IL4I1: variants seen among roughly 807,000 people sequenced by gnomAD.
The protein encoded by IL4I1 is L-amino-acid oxidase.
Under a neutral mutation model 29.7 loss-of-function variants are expected in IL4I1, and 24 were observed. The observed-to-expected ratio is 0.81, with a 90% confidence interval of 0.59 to 1.14. IL4I1 has a LOEUF of 1.14. Among genes scored for constraint, IL4I1 ranks in the 50% most tolerant of loss-of-function variants. The pLI is 0.00. For synonymous variants in IL4I1, 371 were observed against 352.5 expected (o/e 1.05, Z -0.59); for missense variants, 686 against 785.6 (o/e 0.87, Z 1.52).
chr19:49,890,060 G>C lies in IL4I1; in HGVS notation c.1314C>G (p.Thr438=). 1 of 1,549,786 alleles carries C rather than the reference G, an allele frequency of 6.5e-7. No individual in the cohort carries two copies. The change falls in exon 8 of 8, where the codon ACC becomes ACG. Residue 438 remains threonine (T), a synonymous_variant. Coordinates refer to ENST00000391826, the MANE Select transcript of IL4I1 (RefSeq NM_152899.2). ...GPVVRQLWDG[T]GVVKRWAEDQ... ...CCTCCGCCCAACGCTTGACGACGCC[G>C]GTGCCGTCCCAGAGCTGGCGCACGA...
At chr19:49,907,902 G>GC in intron 2 of IL4I1, 1 of 428,116 alleles carries the variant, frequency 2.3e-6, no homozygotes, top group Non-Finnish European at 4.3e-6. Context: ...GAGAGTGGCT[G>GC]CCCCCACGAC....
In IL4I1 at chr19:49,895,142, G is replaced by T. The variant is rs199867945; in HGVS notation, c.291C>A (p.Arg97=). 1.9e-6 allele frequency: 3 copies of T among 1,613,880 alleles called. No individual in the cohort carries two copies. The highest frequency in any genetic ancestry group is 2.5e-6 in the Non-Finnish European group (3 of 1,179,854). ...TGTTCTGGTCCCGGTAGGTGAAGATGCGGCCCCCGATCCTGTTATCTGCCT... is the reference window on the plus strand; with the variant it reads ...TGTTCTGGTCCCGGTAGGTGAAGATTCGGCCCCCGATCCTGTTATCTGCCT... The part of the protein sequence containing the change: ...ILEADNRIGG[R]IFTYRDQNTG... The change falls in exon 4 of 8, where the codon CGC becomes CGA. Residue 97 remains arginine, a synonymous_variant. Transcript: ENST00000391826.
chr19:49,918,066 GCTTTC>G (rs1248551570), intron 2 of IL4I1, among the ~76,000 whole-genome samples: 1 of 150,780 alleles, frequency 6.6e-6, no homozygotes, highest in African/African-American at 2.4e-5. Context: ...GAGAGGGTCT[GCTTTC>G]CTTTTTCTTT....
rs376516356 is a variant in IL4I1, at chr19:49,895,192, C to T, written c.253-12G>A. On this transcript the variant is annotated splice_polypyrimidine_tract_variant and intron_variant, in intron 3 of 7. Coordinates refer to ENST00000391826, the MANE Select transcript of IL4I1 (RefSeq NM_152899.2). The stretch of plus-strand genomic sequence containing the variant: ...TCCAGGATGGTGACCTGAGGGAGTC[C>T]GTGGGGCGAGGAGGGCCCTTCAGCT... 13 of 1,609,942 alleles carry T rather than the reference C, an allele frequency of 8.1e-6. No individual in the cohort carries two copies. Among genetic ancestry groups the T allele is most frequent in the East Asian group, 2.2e-5 (1 of 44,848 alleles).
At chr19:49,896,354 C>T (rs1568687769) in intron 1 of IL4I1, among the ~76,000 whole-genome samples, 172 bp from the exon 2 acceptor site, 3 of 152,098 alleles carry the variant, frequency 2.0e-5, no homozygotes, top group African/African-American at 7.2e-5. Context: ...CTGGACCGTC[C>T]CTGCCTCCCT....
At position 49,890,068 on chromosome 19, in the gene IL4I1, C is replaced by G; in HGVS notation, c.1306G>C (p.Asp436His). 1 of 1,549,276 alleles carries G rather than the reference C, an allele frequency of 6.5e-7. No homozygotes were observed. Among genetic ancestry groups the G allele is most frequent in the Non-Finnish European group, 8.7e-7 (1 of 1,147,074 alleles). ...CAACGCTTGACGACGCCGGTGCCGT[C>G]CCAGAGCTGGCGCACGACAGGCCCG... ...LHGPVVRQLW[D>H]GTGVVKRWAE... The change falls in exon 8 of 8, where the codon GAC (aspartate) becomes CAC (histidine). Residue 436 changes from aspartate (D) to histidine (H), a missense_variant. Transcript: ENST00000391826.
upstream of IL4I1, chr19:49,901,699 A>T: frequency 1.3e-6 from 2 of 1,535,242 alleles, no homozygotes; most frequent in Non-Finnish European, 1.8e-6. Flanking sequence ...AGCCCAGGAC[A>T]GAAGTCATCG....
chr19:49,909,902 A>AC (rs1209063973), intron 2 of IL4I1: 1 of 1,373,434 alleles, frequency 7.3e-7, no homozygotes, highest in African/African-American at 1.4e-5. Flanking sequence ...AGAGGAAGTG[A>AC]CATTGTCAGA....
At chr19:49,915,929 G>A (rs1253000138) in intron 2 of IL4I1, among the ~76,000 whole-genome samples, 3 of 152,232 alleles carry the variant, frequency 2.0e-5, no homozygotes, top group Non-Finnish European at 4.4e-5. Flanking sequence ...TGGGGATGGT[G>A]TCGGCTCCAC....
intron 2 of IL4I1, among the ~76,000 whole-genome samples, chr19:49,924,155 G>A (rs1299267886): frequency 6.6e-6 from 1 of 152,184 alleles, no homozygotes; most frequent in East Asian, 1.9e-4. Context: ...ATGGGCCTCG[G>A]GGCCCTGGAA....
intron 2 of IL4I1, chr19:49,908,819 T>C: frequency 6.2e-7 from 1 of 1,613,466 alleles, no homozygotes; most frequent in Non-Finnish European, 8.5e-7. Flanking sequence ...CAGCTGCGCG[T>C]AGGTCATGGC....
chr19:49,929,310 C>A (rs1451644100), intron 1 of IL4I1: 1 of 154,606 alleles, frequency 6.5e-6, no homozygotes, highest in Non-Finnish European at 1.4e-5. Flanking sequence ...TGCCCCCGGC[C>A]CGTCTCCGCG....
chr19:49,890,587 C>A lies in IL4I1; in HGVS notation c.787G>T (p.Val263Leu). The A allele has an allele frequency of 6.4e-7, 1 of 1,567,286 alleles. No individual in the cohort carries two copies. Among genetic ancestry groups the A allele is most frequent in the Middle Eastern group, 1.8e-4 (1 of 5,614 alleles). Reference protein sequence around the residue: ...LSDRLQYSRIVGGWDLLPRAL... With the variant: ...LSDRLQYSRILGGWDLLPRAL... Reference sequence around the variant, plus strand: ...CGCGGCAGCAGGTCCCAGCCACCCACGATGCGGCTGTACCTGCAGGCGGGG... The same window carrying A: ...CGCGGCAGCAGGTCCCAGCCACCCAAGATGCGGCTGTACCTGCAGGCGGGG... The change falls in exon 8 of 8, where the codon GTG becomes TTG. Residue 263 changes from valine (V) to leucine (L), a missense_variant. Coordinates refer to ENST00000391826, the MANE Select transcript of IL4I1 (RefSeq NM_152899.2).
intron 4 of IL4I1, 40 bp downstream of exon 4, chr19:49,895,028 G>T: frequency 6.6e-7 from 1 of 1,510,298 alleles, no homozygotes; most frequent in Non-Finnish European, 9.2e-7. Context: ...TGGGGGGCTA[G>T]TTGAGTCTAG....
In IL4I1 at chr19:49,895,694, C is replaced by T. The variant is rs1286935260; in HGVS notation, c.252+121G>A. 8.0e-6 allele frequency: 6 copies of T among 747,314 alleles called. No individual in the cohort carries two copies. In the Admixed American group the frequency reaches 8.8e-5, roughly 11 times the overall value. 46.3% of individuals were successfully genotyped at this position (747,314 alleles called of 1,614,324 possible). A position where few individuals can be genotyped will look rare whatever the true frequency, so the allele number is the denominator to read the frequency against. On this transcript the variant is annotated intron_variant, in intron 3 of 7. Coordinates refer to ENST00000391826, the MANE Select transcript of IL4I1 (RefSeq NM_152899.2). ...ACCCCCAGACTACAGGGAAAGATAG[C>T]CTCTCCCCCCACATCCCCACCTCCA...
At chr19:49,893,853 G>T (rs1193346521) in intron 5 of IL4I1, among the ~76,000 whole-genome samples, 1 of 151,932 alleles carries the variant, frequency 6.6e-6, no homozygotes, top group African/African-American at 2.4e-5. Context: ...TGGGCGTGGT[G>T]GCGGGCGCCT....
At position 49,890,003 on chromosome 19, in the gene IL4I1, C is replaced by G. The variant is rs978950469; in HGVS notation, c.1371G>C (p.Gln457His). Residue 457 changes from glutamine to histidine, a missense_variant, in exon 8 of 8, where the codon CAG becomes CAC. Transcript: ENST00000391826. The stretch of plus-strand genomic sequence containing the variant: ...TTTCGGTTTGCCAGAGCGCCGGCGG[C>G]TGTACCACAAAGCCACCCTGGCTGT... ...DQHSQGGFVV[Q>H]PPALWQTEKD... 2 of 1,555,750 alleles carry G rather than the reference C, an allele frequency of 1.3e-6. No homozygotes were observed. Among genetic ancestry groups the G allele is most frequent in the Non-Finnish European group, 1.7e-6 (2 of 1,149,992 alleles).
chr19:49,895,980 G>C lies in IL4I1; in HGVS notation c.87C>G (p.Ser29Arg), dbSNP rs1298466522. 2 of 1,614,202 alleles carry C rather than the reference G, an allele frequency of 1.2e-6. No individual in the cohort carries two copies. Among genetic ancestry groups the C allele is most frequent in the Admixed American group, 3.3e-5 (2 of 60,030 alleles). The change falls in exon 3 of 8, where the codon AGC becomes AGG. Residue 29 changes from serine to arginine, a missense_variant. Physicochemically the swap from Ser to Arg is moderately radical, Grantham distance 110. Transcript: ENST00000391826. ...GCATGCATTTCTCGAAGGGGTCTTGGCTGCGTTCAGCCTTCCAGTCCTGGG... is the reference window on the plus strand; with the variant it reads ...GCATGCATTTCTCGAAGGGGTCTTGCCTGCGTTCAGCCTTCCAGTCCTGGG... ...VASQDWKAER[S>R]QDPFEKCMQD...
At chr19:49,895,385 A>G (rs2057817751) in intron 3 of IL4I1, among the ~76,000 whole-genome samples, 2 of 152,188 alleles carry the variant, frequency 1.3e-5, no homozygotes, top group South Asian at 4.1e-4. Flanking sequence ...GCTGCCAGCT[A>G]GACTGCAAAG....
Sources: allele counts gnomAD v4.1 joint callset (sites outside exome capture counted in the v4.1 genomes callset), GRCh38; gene constraint gnomAD v4.1.1; transcripts MANE v1.5; gene names NCBI Gene and HGNC (gene_info 2026-07-23, HGNC 2026-07-21).